CEP250: variants seen among roughly 807,000 people sequenced by gnomAD.
CEP250 encodes centrosomal protein 250, also known as centrosome-associated protein CEP250.
CEP250 carries 242 observed loss-of-function variants against 315.7 expected under a neutral mutation model. The ratio of observed to expected loss-of-function variants is 0.77; its 90% CI spans 0.69 to 0.85. The LOEUF (loss-of-function observed/expected upper bound fraction) is 0.85. CEP250 is among the 40% of genes least tolerant of loss of function. The pLI is 0.00. For synonymous variants in CEP250, 1,088 were observed against 1,175.0 expected (o/e 0.93, Z 1.51); for missense variants, 2,515 against 2,886.4 (o/e 0.87, Z 2.95).
At chr20:35,488,822 G>A (rs771748908) in intron 20 of CEP250, among the ~76,000 whole-genome samples, 15 of 152,108 alleles carry the variant, frequency 9.9e-5, no homozygotes, top group South Asian at 2.1e-4. Flanking sequence ...TAGTTTAGGC[G>A]TGAGGAATGA....
Position 35,479,420 on chromosome 20 carries a change from C to A in CEP250, c.2284C>A (p.Leu762Ile). The part of the protein sequence containing the change: ...RQDLAEQLQG[L>I]SSAKELLESS... Reference sequence around the variant, plus strand: ...GGACCTCGCTGAACAACTACAGGGGCTCAGGTAGGGCCCAGACTCAGTTCA... The same window carrying A: ...GGACCTCGCTGAACAACTACAGGGGATCAGGTAGGGCCCAGACTCAGTTCA... The change falls in exon 18 of 35, where the codon CTC (leucine) becomes ATC (isoleucine). Residue 762 changes from leucine (L) to isoleucine (I), a missense_variant. Transcript: ENST00000397527. The A allele has an allele frequency of 6.2e-7, 1 of 1,612,792 alleles. No individual in the cohort carries two copies. Among genetic ancestry groups the A allele is most frequent in the South Asian group, 1.1e-5 (1 of 90,932 alleles).
Position 35,479,702 on chromosome 20 carries a change from T to C in CEP250, c.2345T>C (p.Val782Ala), listed in dbSNP as rs773909428. ...SLFEAQQQNS[V>A]IEVTKGQLEV... is the part of the protein sequence containing the mutation. ...TTTGAAGCCCAACAACAAAATTCTG[T>C]GATAGAGGTCACCAAGGGGCAGCTG... The change falls in exon 19 of 35, where the codon GTG (valine) becomes GCG (alanine). Residue 782 changes from valine (V) to alanine (A), a missense_variant. By Grantham distance (64) the Val-to-Ala change is moderately conservative. Coordinates refer to ENST00000397527, the MANE Select transcript of CEP250 (RefSeq NM_007186.6). The C allele has an allele frequency of 4.3e-6, 7 of 1,614,070 alleles. No individual in the cohort carries two copies. Among genetic ancestry groups the C allele is most frequent in the Non-Finnish European group, 5.1e-6 (6 of 1,180,012 alleles).
In CEP250 at chr20:35,497,726, T is replaced by A; in HGVS notation, c.3314T>A (p.Leu1105Ter). The stretch of plus-strand genomic sequence containing the variant: ...AAAATTCTTCCTTGACAGATGGAAT[T>A]ACTAAGGCAAGAGGTGAAGGAAAAG... ...EQKELSAQME[L>*]LRQEVKEKEA... is the part of the protein sequence containing the mutation. The change falls in exon 26 of 35, where the codon TTA (leucine) becomes TAA (stop). Residue 1105 changes from leucine (L) to a stop codon, truncating the protein, a stop_gained. Transcript: ENST00000397527. LOFTEE classifies it high-confidence loss of function. The A allele has an allele frequency of 6.5e-7, 1 of 1,547,164 alleles. No individual in the cohort carries two copies. Among genetic ancestry groups the A allele is most frequent in the Non-Finnish European group, 8.7e-7 (1 of 1,143,934 alleles).
intron 15 of CEP250, 188 bp from the exon 16 acceptor site, chr20:35,476,261 T>A (rs779977427): frequency 1.9e-6 from 1 of 534,116 alleles, no homozygotes; most frequent in Non-Finnish European, 3.4e-6. Flanking sequence ...CTTTGGTATC[T>A]CTATACTGTG....
Position 35,473,507 on chromosome 20 carries a change from C to T in CEP250, c.1343C>T (p.Ala448Val), listed in dbSNP as rs1030527367. Residue 448 changes from alanine (A) to valine (V), a missense_variant, in exon 13 of 35, where the codon GCA (alanine) becomes GTA (valine). By Grantham distance (64) the Ala-to-Val change is moderately conservative. Transcript: ENST00000397527. ...CTCACTGGGGAGCGGGACACTCTGG[C>T]AGGGCAGACTGTGGACCTCCAGGGA... ...QKLTGERDTLAGQTVDLQGEV... is the reference protein window; with the variant it reads ...QKLTGERDTLVGQTVDLQGEV... 1 of 1,614,078 alleles carries T rather than the reference C, an allele frequency of 6.2e-7. No individual in the cohort carries two copies. Among genetic ancestry groups the T allele is most frequent in the South Asian group, 1.1e-5 (1 of 91,070 alleles).
intron 22 of CEP250, among the ~76,000 whole-genome samples, chr20:35,492,214 G>A (rs1300478082): frequency 6.6e-6 from 1 of 152,058 alleles, no homozygotes; most frequent in Non-Finnish European, 1.5e-5. Context: ...AAAACATCAG[G>A]TTAAGTGGAA....
At chr20:35,479,870 G>C (rs975111639) in intron 19 of CEP250, 97 bp downstream of exon 19, 1 of 1,597,440 alleles carries the variant, frequency 6.3e-7, no homozygotes. Flanking sequence ...CTCCAGCAGG[G>C]TGCAGGGCCT....
intron 9 of CEP250, among the ~76,000 whole-genome samples, chr20:35,468,663 A>G (rs992177022): frequency 1.3e-5 from 2 of 152,112 alleles, no homozygotes; most frequent in Admixed American, 6.6e-5. Context: ...CGTATACTAG[A>G]CACTCAATAC....
chr20:35,490,994 TGAGGGAGG>T, intron 21 of CEP250, 190 bp downstream of exon 21: 1 of 790,934 alleles, frequency 1.3e-6, no homozygotes. Flanking sequence ...TCATACTTCC[TGAGGGAGG>T]GCTGACATGT....
intron 24 of CEP250, among the ~76,000 whole-genome samples, chr20:35,496,359 A>C (rs1394297604): frequency 6.6e-6 from 1 of 151,890 alleles, no homozygotes; most frequent in Non-Finnish European, 1.5e-5. Flanking sequence ...ACACAAAAAA[A>C]CCTGTGAGGT....
In CEP250 at chr20:35,503,167, A is replaced by G. The variant is rs753984250; in HGVS notation, c.4798A>G (p.Arg1600Gly). ...LTHLTLDLEE[R>G]SQELQAQSSQ... ...CCACCTTACGCTGGACCTAGAAGAA[A>G]GGAGCCAGGAGCTGCAGGCACAAAG... Residue 1600 changes from arginine (R) to glycine (G), a missense_variant, in exon 30 of 35, where the codon AGG becomes GGG. Arg to Gly is a moderately radical substitution (Grantham distance 125, BLOSUM62 -2). Transcript: ENST00000397527. This position sits in a 1 kb window ranked among gnomAD's most constrained non-coding sequence, Gnocchi z 4.2. 2 of 1,614,156 alleles carry G rather than the reference A, an allele frequency of 1.2e-6. No homozygotes were observed. Among genetic ancestry groups the G allele is most frequent in the South Asian group, 1.1e-5 (1 of 91,076 alleles).
At chr20:35,498,211 C>A (rs1294486591) in intron 26 of CEP250, 144 bp downstream of exon 26, 3 of 709,718 alleles carry the variant, frequency 4.2e-6, no homozygotes, top group Non-Finnish European at 6.7e-6. Flanking sequence ...AGTTTAAGCC[C>A]CAGCTCTACC....
At chr20:35,475,378 C>T (rs141294791) in intron 14 of CEP250, 124 bp from the exon 15 acceptor site, 1 of 1,002,458 alleles carries the variant, frequency 1.0e-6, no homozygotes, top group African/African-American at 1.6e-5. Flanking sequence ...AGAAATCTTT[C>T]CTTATCAGTG....
intron 14 of CEP250, chr20:35,474,831 C>T: frequency 2.1e-6 from 1 of 471,008 alleles, no homozygotes; most frequent in Non-Finnish European, 4.4e-6. Context: ...TTGGAAAACG[C>T]CAGCATAGAA....
rs117156562 is a variant in CEP250, at chr20:35,472,237, C to T, written c.1050+86C>T. 3,691 of 833,504 alleles carry T rather than the reference C, an allele frequency of 4.4e-3. 24 individuals carry two copies. Among genetic ancestry groups the T allele is most frequent in the Non-Finnish European group, 4.2e-3 (2,027 of 487,494 alleles). The allele number at this position is 833,504 out of a possible 1,614,324, so 51.6% of individuals were successfully genotyped here. A position where few individuals can be genotyped will look rare whatever the true frequency, so the allele number is the denominator to read the frequency against. On this transcript the variant is annotated intron_variant, in intron 11 of 34. Transcript: ENST00000397527. ...GTCCTTTCAGTCCTGCCTAGATTTC[C>T]AGTCTCTGAGGTTCGGGTGCTTAAA...
At chr20:35,470,258 C>T in intron 10 of CEP250, 1 of 476,760 alleles carries the variant, frequency 2.1e-6, no homozygotes. Context: ...TTGGCACATA[C>T]ATTCAGAGAC....
In CEP250 at chr20:35,503,807, C is replaced by T. The variant is rs1406374747; in HGVS notation, c.5438C>T (p.Ala1813Val). ...SQLDEAQRAL[A>V]QRDQELEALQ... ...CTGGATGAGGCCCAGAGAGCCCTAGCCCAGAGGGACCAGGAACTGGAGGCT... is the reference window on the plus strand; with the variant it reads ...CTGGATGAGGCCCAGAGAGCCCTAGTCCAGAGGGACCAGGAACTGGAGGCT... The change falls in exon 30 of 35, where the codon GCC becomes GTC. Residue 1813 changes from alanine to valine, a missense_variant. Ala to Val is a moderately conservative substitution (Grantham distance 64). Transcript: ENST00000397527. The surrounding 1 kb of genome is among the most constrained non-coding windows in gnomAD (Gnocchi z 4.2). The T allele has an allele frequency of 6.2e-7, 1 of 1,613,818 alleles. No homozygotes were observed. The highest frequency in any genetic ancestry group is 1.1e-5 in the South Asian group (1 of 91,078).
chr20:35,477,797 C>T, intron 16 of CEP250, 74 bp from the exon 17 acceptor site: 2 of 1,182,384 alleles, frequency 1.7e-6, no homozygotes, highest in Non-Finnish European at 1.2e-6. Context: ...ACTTGGATTT[C>T]AGTCTTAGCA....
chr20:35,496,516 G>A, intron 24 of CEP250, 61 bp from the exon 25 acceptor site: 1 of 1,434,646 alleles, frequency 7.0e-7, no homozygotes, highest in Non-Finnish European at 9.6e-7. Flanking sequence ...ATACTCAGAT[G>A]AGAAGGTAAT....
Sources: allele counts gnomAD v4.1 joint callset (sites outside exome capture counted in the v4.1 genomes callset), GRCh38; gene constraint gnomAD v4.1.1; non-coding constraint Gnocchi (gnomAD v3.1); transcripts MANE v1.5; gene names NCBI Gene and HGNC (gene_info 2026-07-23, HGNC 2026-07-21).